Variants in PTN observed in about 807,000 individuals in gnomAD.
The protein encoded by PTN is heparin affin regulatory protein.
A neutral mutation model predicts 24.1 loss-of-function variants in PTN; 18 were observed. The ratio of observed to expected loss-of-function variants is 0.75; its 90% CI spans 0.52 to 1.11. The LOEUF (loss-of-function observed/expected upper bound fraction) is 1.11, where lower values mean the gene tolerates loss of function less well. Among genes scored for constraint, PTN ranks in the 50% least tolerant of loss-of-function variants. PTN has a pLI of 0.00. For missense variants in PTN, 163 were observed against 198.8 expected, an observed-to-expected ratio of 0.82 and a Z score of 1.08; for synonymous variants, 78 against 68.6, an observed-to-expected ratio of 1.14 and a Z score of -0.67.
At chr7:137,291,187 C>T (rs1187912731) in intron 1 of PTN, among the ~76,000 whole-genome samples, 1 of 152,172 alleles carries the variant, frequency 6.6e-6, no homozygotes, top group East Asian at 1.9e-4. Context: ...AGTGTACATA[C>T]ACATTCACAC....
chr7:137,263,145 C>G (rs1809072866), intron 1 of PTN, among the ~76,000 whole-genome samples: 1 of 152,074 alleles, frequency 6.6e-6, no homozygotes, highest in Non-Finnish European at 1.5e-5. Flanking sequence ...AGTGATGAAG[C>G]TTTTTATCAT....
At chr7:137,335,042 G>C (rs1203127672) in intron 1 of PTN, among the ~76,000 whole-genome samples, 1 of 114,432 alleles carries the variant, frequency 8.7e-6, no homozygotes, top group African/African-American at 3.5e-5. Context: ...GGGGACTGTT[G>C]TGGGGTGGGG....
intron 1 of PTN, among the ~76,000 whole-genome samples, chr7:137,297,897 T>TC (rs67305978): frequency 0.62 from 93,438 of 151,616 alleles, 29,227 homozygotes; most frequent in South Asian, 0.7. Context: ...CTAGAAGCTT[T>TC]CCAAAGTGGG....
At chr7:137,254,021 T>A (rs936349338) in intron 2 of PTN, among the ~76,000 whole-genome samples, 18 of 152,138 alleles carry the variant, frequency 1.2e-4, no homozygotes, top group Non-Finnish European at 4.4e-5. Flanking sequence ...AGTTGTCAGC[T>A]GGGCAAAGTG....
intron 4 of PTN, among the ~76,000 whole-genome samples, chr7:137,233,488 C>T (rs144463422): frequency 1.4e-4 from 22 of 152,050 alleles, no homozygotes; most frequent in African/African-American, 2.6e-4. Context: ...CTGTTTTAGA[C>T]GCTAGGGTAT....
intron 1 of PTN, among the ~76,000 whole-genome samples, chr7:137,256,596 T>G (rs892947556): frequency 6.6e-6 from 1 of 152,186 alleles, no homozygotes. Flanking sequence ...TTCAATGGCT[T>G]TGCTATGTAA....
intron 1 of PTN, among the ~76,000 whole-genome samples, chr7:137,313,090 C>G (rs993162227): frequency 1.3e-5 from 2 of 148,894 alleles, no homozygotes; most frequent in Non-Finnish European, 3.0e-5. Context: ...CCCTCTCATT[C>G]ATCTTGCTGA....
chr7:137,266,286 CAAT>C (rs1809142927), intron 1 of PTN, among the ~76,000 whole-genome samples: 1 of 152,102 alleles, frequency 6.6e-6, no homozygotes, highest in Non-Finnish European at 1.5e-5. Context: ...ACTTTCAAAA[CAAT>C]GATTTTTTTT....
chr7:137,258,311 G>A (rs1355607869), intron 1 of PTN, among the ~76,000 whole-genome samples: 2 of 152,176 alleles, frequency 1.3e-5, no homozygotes, highest in African/African-American at 4.8e-5. Flanking sequence ...TGCCTCTAAT[G>A]TTAATTTAGA....
intron 1 of PTN, among the ~76,000 whole-genome samples, chr7:137,315,765 C>A (rs1048044851): frequency 1.1e-4 from 17 of 152,058 alleles, no homozygotes; most frequent in Non-Finnish European, 1.5e-5. Flanking sequence ...AGAAGGGCGG[C>A]TTTGGAGCTG....
At chr7:137,324,433 A>AAAATATATAT in intron 1 of PTN, among the ~76,000 whole-genome samples, 106 of 88,760 alleles carry the variant, frequency 1.2e-3, no homozygotes, top group African/African-American at 5.8e-3. Flanking sequence ...AAAAAAAAAA[A>AAAATATATAT]ATATATATAT....
At chr7:137,321,562 A>G (rs1015404530) in intron 1 of PTN, among the ~76,000 whole-genome samples, 5 of 152,210 alleles carry the variant, frequency 3.3e-5, no homozygotes, top group Non-Finnish European at 5.9e-5. Context: ...TATTTTATAT[A>G]TAGGTTTATA....
At chr7:137,277,043 T>C (rs1042267801) in intron 1 of PTN, among the ~76,000 whole-genome samples, 3 of 152,204 alleles carry the variant, frequency 2.0e-5, no homozygotes, top group Non-Finnish European at 4.4e-5. Flanking sequence ...AAAATATGTA[T>C]CTGTCAAATG....
chr7:137,316,130 A>G (rs1365488982), intron 1 of PTN, among the ~76,000 whole-genome samples: 1 of 152,164 alleles, frequency 6.6e-6, no homozygotes, highest in Non-Finnish European at 1.5e-5. Flanking sequence ...TAAACCTCTG[A>G]ACAGAATCAT....
chr7:137,342,829 A>C (rs1810556907), intron 1 of PTN, among the ~76,000 whole-genome samples: 3 of 152,164 alleles, frequency 2.0e-5, no homozygotes, highest in African/African-American at 7.2e-5. Context: ...TGTGTCTTCT[A>C]AACTTTGGAC....
At chr7:137,286,867 A>G (rs1433055382) in intron 1 of PTN, among the ~76,000 whole-genome samples, 1 of 152,206 alleles carries the variant, frequency 6.6e-6, no homozygotes, top group Non-Finnish European at 1.5e-5. Flanking sequence ...CCCAACTGCT[A>G]TGATTCTATC....
chr7:137,327,045 T>C (rs1810274675), intron 1 of PTN: 1 of 152,130 alleles, frequency 6.6e-6, no homozygotes, highest in Non-Finnish European at 1.5e-5. Context: ...GGAATAAAGG[T>C]AAAATTTTCA....
At position 137,251,305 on chromosome 7, in the gene PTN, G is replaced by A; in HGVS notation, c.376C>T (p.Leu126=). The A allele has an allele frequency of 6.2e-7, 1 of 1,614,120 alleles. No individual in the cohort carries two copies. Among genetic ancestry groups the A allele is most frequent in the African/African-American group, 1.3e-5 (1 of 75,026 alleles). The change falls in exon 4 of 5, where the codon CTG becomes TTG. Residue 126 remains leucine, a synonymous_variant. Coordinates refer to ENST00000348225, the MANE Select transcript of PTN (RefSeq NM_002825.7). The part of the protein sequence containing the change: ...KTRTGSLKRA[L]HNAECQKTVT... ...GTCTTCTGGCATTCGGCATTGTGCAGGGCTCGCTTCAGACTTCCAGTTCTG... is the reference window on the plus strand; with the variant it reads ...GTCTTCTGGCATTCGGCATTGTGCAAGGCTCGCTTCAGACTTCCAGTTCTG...
At chr7:137,284,850 G>A (rs1026105789) in intron 1 of PTN, among the ~76,000 whole-genome samples, 6 of 152,160 alleles carry the variant, frequency 3.9e-5, no homozygotes, top group Non-Finnish European at 7.3e-5. Context: ...TGGAATAAAT[G>A]TGGAATTACA....
Sources: gnomAD v4.1 joint callset for allele counts (sites outside exome capture counted in the v4.1 genomes callset) on GRCh38, gnomAD v4.1.1 for gene constraint, MANE v1.5 for transcripts, NCBI Gene and HGNC (gene_info 2026-07-23, HGNC 2026-07-21) for gene names.